The following RYR3 variants were observed in gnomAD, a reference collection of about 807,000 sequenced individuals.
RYR3 encodes brain ryanodine receptor-calcium release channel.
RYR3 carries 207 observed loss-of-function variants against 584.3 expected under a neutral mutation model. The ratio of observed to expected loss-of-function variants is 0.35; its 90% CI spans 0.32 to 0.40. The LOEUF (loss-of-function observed/expected upper bound fraction) is 0.40. Among genes scored for constraint, RYR3 ranks in the 10% least tolerant of loss-of-function variants. RYR3 has a pLI of 1.00. For missense variants in RYR3, 5,616 were observed against 6,089.2 expected (o/e 0.92, Z 2.59); for synonymous variants, 2,416 against 2,248.5 (o/e 1.07, Z -2.11).
intron 1 of RYR3, among the ~76,000 whole-genome samples, chr15:33,431,570 T>C (rs997513565): frequency 1.1e-4 from 17 of 151,982 alleles, no homozygotes; most frequent in Non-Finnish European, 4.4e-5. Flanking sequence ...TGAGACCAGC[T>C]TGGGCAACAT....
At chr15:33,441,274 A>G (rs545959125) in intron 1 of RYR3, among the ~76,000 whole-genome samples, 14 of 152,184 alleles carry the variant, frequency 9.2e-5, no homozygotes, top group Non-Finnish European at 1.3e-4. Context: ...TTTTCTGACC[A>G]TCCTTTTCAG....
chr15:33,664,620 T>TATGTAC (rs1193732546), intron 36 of RYR3, among the ~76,000 whole-genome samples: 1 of 145,596 alleles, frequency 6.9e-6, no homozygotes, highest in East Asian at 2.0e-4. Context: ...TATATACGTA[T>TATGTAC]GTATACATCT....
At chr15:33,822,961 A>C in intron 80 of RYR3, 35 bp from the exon 81 acceptor site, 1 of 1,578,218 alleles carries the variant, frequency 6.3e-7, no homozygotes. Context: ...TATAGTTTTC[A>C]TCGCTTTTCC....
chr15:33,781,013 T>A (rs979015364), intron 65 of RYR3, among the ~76,000 whole-genome samples: 5 of 152,204 alleles, frequency 3.3e-5, no homozygotes, highest in African/African-American at 1.2e-4. Flanking sequence ...AGCACGACAA[T>A]GGCAGAGTTG....
intron 72 of RYR3, among the ~76,000 whole-genome samples, chr15:33,811,890 A>G (rs2076570961): frequency 6.6e-6 from 1 of 152,146 alleles, no homozygotes; most frequent in Non-Finnish European, 1.5e-5. Flanking sequence ...AATCTGAACA[A>G]CTCTTACCTC....
chr15:33,659,193 C>A (rs1006575974), intron 32 of RYR3, among the ~76,000 whole-genome samples: 4 of 152,170 alleles, frequency 2.6e-5, no homozygotes, highest in African/African-American at 9.7e-5. Context: ...AGCTACCTGG[C>A]CTGAAATGTC....
At chr15:33,718,961 C>T (rs922177870) in intron 43 of RYR3, among the ~76,000 whole-genome samples, 2 of 152,232 alleles carry the variant, frequency 1.3e-5, no homozygotes, top group Admixed American at 6.5e-5. Context: ...CTCTCTCCCC[C>T]TTGAAAAATG....
chr15:33,745,574 A>G (rs898268218), intron 52 of RYR3, among the ~76,000 whole-genome samples: 2 of 152,122 alleles, frequency 1.3e-5, no homozygotes, highest in African/African-American at 4.8e-5. Flanking sequence ...CATTCACCCA[A>G]TATTTGTTGA....
intron 1 of RYR3, among the ~76,000 whole-genome samples, chr15:33,455,088 G>T (rs150768618): frequency 6.6e-6 from 1 of 152,170 alleles, no homozygotes; most frequent in Non-Finnish European, 1.5e-5. Context: ...CAGTGGGAAC[G>T]GAGAGAAGCA....
At chr15:33,316,338 C>A (rs562633058) in intron 1 of RYR3, among the ~76,000 whole-genome samples, 1 of 152,292 alleles carries the variant, frequency 6.6e-6, no homozygotes, top group Admixed American at 6.5e-5. Context: ...AAGCCATCAA[C>A]TCCATCATCT....
chr15:33,318,642 A>G (rs1355045904), intron 1 of RYR3, among the ~76,000 whole-genome samples: 1 of 152,046 alleles, frequency 6.6e-6, no homozygotes, highest in Non-Finnish European at 1.5e-5. Flanking sequence ...GGCGGTTCAG[A>G]CTCCATCTTT....
chr15:33,420,827 T>A (rs1322577339), intron 1 of RYR3, among the ~76,000 whole-genome samples: 2 of 152,134 alleles, frequency 1.3e-5, no homozygotes, highest in African/African-American at 4.8e-5. Flanking sequence ...ATAATCTAGA[T>A]CAGAACCTAC....
At position 33,715,844 on chromosome 15, in the gene RYR3, G is replaced by A. The variant is rs1457941014; in HGVS notation, c.6620-6871G>A. On this transcript the variant is annotated intron_variant, in intron 43 of 103. Transcript: ENST00000634891. ...AAGGGTACTAATCCCACTCATGTGG[G>A]CAGAGATCCTTATAACTTAATCACC... Among the ~76,000 whole-genome samples the A allele has an allele frequency of 2.6e-5, 4 of 152,128 alleles. No individual in the cohort carries two copies. In the East Asian group the frequency reaches 7.7e-4, roughly 29 times the overall value.
intron 65 of RYR3, 102 bp downstream of exon 65, chr15:33,780,443 G>C (rs2074317037): frequency 1.6e-6 from 2 of 1,248,018 alleles, no homozygotes; most frequent in East Asian, 2.5e-5. Flanking sequence ...TGGCTTTCTT[G>C]GTCTGAGAGG....
At chr15:33,805,975 A>T (rs948915882) in intron 69 of RYR3, among the ~76,000 whole-genome samples, 1 of 129,164 alleles carries the variant, frequency 7.7e-6, no homozygotes, top group Non-Finnish European at 1.6e-5. Flanking sequence ...GCCTCTGTCC[A>T]CCATTTCTTC....
intron 1 of RYR3, among the ~76,000 whole-genome samples, chr15:33,387,610 C>A (rs1378651276): frequency 2.7e-5 from 4 of 150,212 alleles, no homozygotes; most frequent in Non-Finnish European, 5.9e-5. Flanking sequence ...TGAAGAAAAT[C>A]TGAAAAATGA....
At chr15:33,485,421 A>G (rs1335855663) in intron 2 of RYR3, among the ~76,000 whole-genome samples, 2 of 152,218 alleles carry the variant, frequency 1.3e-5, no homozygotes, top group African/African-American at 4.8e-5. Flanking sequence ...GGGAAGATAT[A>G]TGTGGAAAAG....
intron 46 of RYR3, among the ~76,000 whole-genome samples, chr15:33,728,583 G>A (rs67145756): frequency 0.039 from 5,983 of 152,182 alleles, 151 homozygotes; most frequent in African/African-American, 0.069. Context: ...CAATATTTGC[G>A]CTATACTTAC....
In RYR3 at chr15:33,821,652, G is replaced by A. The variant is rs201826624; in HGVS notation, c.10995+50G>A. The A allele has an allele frequency of 2.4e-3, 3,701 of 1,549,498 alleles. 10 individuals are homozygous for A. The highest frequency in any genetic ancestry group is 2.9e-3 in the Non-Finnish European group (3,301 of 1,122,688). The stretch of plus-strand genomic sequence containing the variant: ...GCAGGCTCCCGGGGTATTCCCATTT[G>A]ACACCTGTCATGCTTCAGGGAAGAG... On this transcript the variant is annotated intron_variant, in intron 80 of 103. Coordinates refer to ENST00000634891, the MANE Select transcript of RYR3 (RefSeq NM_001036.6).
Sources: gnomAD v4.1 joint callset for allele counts (sites outside exome capture counted in the v4.1 genomes callset) on GRCh38, gnomAD v4.1.1 for gene constraint, MANE v1.5 for transcripts, NCBI Gene and HGNC (gene_info 2026-07-23, HGNC 2026-07-21) for gene names.